SLCO1B3: variants seen among roughly 807,000 people sequenced by gnomAD.
The protein encoded by SLCO1B3 is solute carrier organic anion transporter family member 1B3, also known as liver-specific organic anion transporter 2.
SLCO1B3 carries 72 observed loss-of-function variants against 71.8 expected under a neutral mutation model. That is an observed-to-expected ratio of 1.00 (90% CI 0.83 to 1.22). The LOEUF is 1.22. Ranked by LOEUF, SLCO1B3 falls within the 50% of genes most tolerant of loss-of-function variation. The probability of loss-of-function intolerance (pLI) is 0.00; values close to 1 mark genes in which losing one functional copy is unlikely to be tolerated. For synonymous variants in SLCO1B3, 298 were observed against 278.4 expected (o/e 1.07, Z -0.70); for missense variants, 911 against 819.7 (o/e 1.11, Z -1.36).
chr12:20,849,815 T>C (rs1465546281), intron 3 of SLCO1B3, among the ~76,000 whole-genome samples: 1 of 151,736 alleles, frequency 6.6e-6, no homozygotes, highest in Non-Finnish European at 1.5e-5. Flanking sequence ...CCATTTATCA[T>C]AGCATCTCAA....
intron 13 of SLCO1B3, among the ~76,000 whole-genome samples, chr12:20,889,803 G>C (rs1865867438): frequency 6.6e-6 from 1 of 151,880 alleles, no homozygotes. Flanking sequence ...ATATCTTTCT[G>C]TCTTTTTGTT....
chr12:20,812,898 T>C (rs1864132413), intron 1 of SLCO1B3, among the ~76,000 whole-genome samples: 1 of 152,210 alleles, frequency 6.6e-6, no homozygotes, highest in South Asian at 2.1e-4. Context: ...TAGAATTAAT[T>C]GGTAAAAAAT....
intron 10 of SLCO1B3, among the ~76,000 whole-genome samples, chr12:20,879,137 A>G (rs902422558): frequency 1.3e-5 from 2 of 151,396 alleles, no homozygotes; most frequent in Non-Finnish European, 2.9e-5. Context: ...TGGCCAAAAT[A>G]AATTATTTTT....
In SLCO1B3 at chr12:20,815,792, A is replaced by G. The variant is rs1381352644; in HGVS notation, c.54A>G (p.Lys18=). The change falls in exon 3 of 16, where the codon AAA becomes AAG. Residue 18 remains lysine (K), a synonymous_variant. Transcript: ENST00000381545. Reference sequence around the variant, plus strand: ...CAGCAGAGTCAGCATCTTCAGAGAAAAAGAAAACAAGACGCTGCAATGGAT... The same window carrying G: ...CAGCAGAGTCAGCATCTTCAGAGAAGAAGAAAACAAGACGCTGCAATGGAT... ...NKTAESASSE[K]KKTRRCNGFK... is the part of the protein sequence containing the mutation. The G allele has an allele frequency of 6.3e-7, 1 of 1,598,752 alleles. No individual in the cohort carries two copies. Among genetic ancestry groups the G allele is most frequent in the Admixed American group, 1.7e-5 (1 of 59,024 alleles).
At chr12:20,840,830 ATTAGTTTTTCC>A (rs2066277759) in intron 3 of SLCO1B3, among the ~76,000 whole-genome samples, 1 of 152,162 alleles carries the variant, frequency 6.6e-6, no homozygotes, top group Non-Finnish European at 1.5e-5. Flanking sequence ...GCTCCAATTA[ATTAGTTTTTCC>A]TGAGGGCAAG....
chr12:20,834,024 TTTA>T (rs1864613771), intron 3 of SLCO1B3, among the ~76,000 whole-genome samples: 1 of 145,444 alleles, frequency 6.9e-6, no homozygotes, highest in Non-Finnish European at 1.5e-5. Flanking sequence ...ATGTATTATA[TTTA>T]TATATGTATT....
chr12:20,815,831 G>T lies in SLCO1B3; in HGVS notation c.84+9G>T. On this transcript the variant is annotated intron_variant, in intron 3 of 15. Transcript: ENST00000381545. Reference sequence around the variant, plus strand: ...GCTGCAATGGATTCAAGGTAGAATGGGTTTTATATTTTCAAACTAAAATAA... The same window carrying T: ...GCTGCAATGGATTCAAGGTAGAATGTGTTTTATATTTTCAAACTAAAATAA... The T allele has an allele frequency of 6.5e-7, 1 of 1,530,672 alleles. No individual in the cohort carries two copies. Among genetic ancestry groups the T allele is most frequent in the Non-Finnish European group, 8.8e-7 (1 of 1,131,506 alleles). 94.8% of individuals were successfully genotyped at this position (1,530,672 alleles called of 1,614,324 possible).
In SLCO1B3 at chr12:20,824,790, C is replaced by T. The variant is rs554861148; in HGVS notation, c.84+8968C>T. 9.2e-5 allele frequency among the ~76,000 whole-genome samples: 14 copies of T among 152,152 alleles called. No individual in the cohort carries two copies. In the East Asian group the frequency reaches 9.7e-4, roughly 10 times the overall value. ...GTCAAATATGTCTCTTTTGGACTTC[C>T]GGTGACCTATTATTAATAAATATAT... On this transcript the variant is annotated intron_variant, in intron 3 of 15. Coordinates refer to ENST00000381545, the MANE Select transcript of SLCO1B3 (RefSeq NM_019844.4).
At chr12:20,881,194 A>G (rs1298825555) in intron 12 of SLCO1B3, among the ~76,000 whole-genome samples, 174 bp downstream of exon 12, 2 of 152,200 alleles carry the variant, frequency 1.3e-5, no homozygotes, top group South Asian at 2.1e-4. Context: ...AGCTTCATAT[A>G]AAACTCTGCT....
intron 3 of SLCO1B3, among the ~76,000 whole-genome samples, chr12:20,821,393 G>A (rs1227159302): frequency 2.0e-5 from 3 of 152,152 alleles, no homozygotes; most frequent in Non-Finnish European, 4.4e-5. Context: ...GGTGAGAGTT[G>A]AAGAGGTTTT....
At chr12:20,898,966 G>C (rs1197789237) in intron 14 of SLCO1B3, among the ~76,000 whole-genome samples, 3 of 152,160 alleles carry the variant, frequency 2.0e-5, no homozygotes, top group Admixed American at 2.0e-4. Flanking sequence ...ATTTCCCACT[G>C]CCTGGTCCTC....
intron 3 of SLCO1B3, among the ~76,000 whole-genome samples, chr12:20,835,217 A>G (rs1213568378): frequency 6.6e-6 from 1 of 152,138 alleles, no homozygotes; most frequent in Non-Finnish European, 1.5e-5. Flanking sequence ...AGGCTCAGGA[A>G]ACCATTTTTC....
intron 8 of SLCO1B3, among the ~76,000 whole-genome samples, chr12:20,865,096 G>A (rs912755229): frequency 2.6e-5 from 4 of 152,066 alleles, no homozygotes; most frequent in Non-Finnish European, 4.4e-5. Context: ...TGAGCCACGG[G>A]AAGCACTAGC....
intron 1 of SLCO1B3, among the ~76,000 whole-genome samples, chr12:20,812,733 A>G (rs1242495610): frequency 6.6e-6 from 1 of 152,232 alleles, no homozygotes; most frequent in East Asian, 1.9e-4. Flanking sequence ...AGACAGGACA[A>G]GTAGAAATTA....
At chr12:20,901,216 T>C (rs1866125280) in intron 14 of SLCO1B3, 134 bp from the exon 15 acceptor site, 1 of 640,774 alleles carries the variant, frequency 1.6e-6, no homozygotes, top group South Asian at 1.9e-5. Context: ...CCTGGGTGGA[T>C]GTAAGCCAAA....
chr12:20,831,356 C>CAAAA lies in SLCO1B3; in HGVS notation c.84+15553_84+15556dup, dbSNP rs35410136. ...TGGGTGACAGAGCGAGACGCCATAT[C>CAAAA]AAAAAAAAAAAAAAAAAAAAAAGCC... On this transcript the variant is annotated intron_variant, in intron 3 of 15. Transcript: ENST00000381545. Among the ~76,000 whole-genome samples the CAAAA allele has an allele frequency of 4.9e-4, 45 of 91,194 alleles. 5 individuals are homozygous for CAAAA. The highest frequency in any genetic ancestry group is 6.5e-4 in the East Asian group (2 of 3,072). 59.8% of individuals were successfully genotyped at this position (91,194 alleles called of 152,430 possible).
rs150414127 is a variant in SLCO1B3 at position 20,869,814 on chromosome 12, T to C, written c.728-5421T>C. 4.4e-3 allele frequency among the ~76,000 whole-genome samples: 668 copies of C among 152,294 alleles called. 7 individuals are homozygous for C. The highest frequency in any genetic ancestry group is 0.015 in the African/African-American group (610 of 41,566). ...GAACATACAAATGGAAATATCTCTG[T>C]GAGATCCTAATTTCGATTATTTTGG... On this transcript the variant is annotated intron_variant, in intron 8 of 15. Coordinates refer to ENST00000381545, the MANE Select transcript of SLCO1B3 (RefSeq NM_019844.4).
At chr12:20,839,538 A>G (rs752070344) in intron 3 of SLCO1B3, among the ~76,000 whole-genome samples, 1 of 152,090 alleles carries the variant, frequency 6.6e-6, no homozygotes, top group Non-Finnish European at 1.5e-5. Context: ...TTGTTCCTAT[A>G]TAGGTAAGGA....
chr12:20,905,639 A>G (rs1449107892), intron 15 of SLCO1B3, among the ~76,000 whole-genome samples: 1 of 152,158 alleles, frequency 6.6e-6, no homozygotes, highest in Non-Finnish European at 1.5e-5. Context: ...TCTCTAAGCT[A>G]AAGCATGGCA....
Sources: allele counts gnomAD v4.1 joint callset (sites outside exome capture counted in the v4.1 genomes callset), GRCh38; gene constraint gnomAD v4.1.1; transcripts MANE v1.5; gene names NCBI Gene and HGNC (gene_info 2026-07-23, HGNC 2026-07-21).